The following MGA variants were observed in gnomAD, a reference collection of about 807,000 sequenced individuals.
MGA encodes the protein MAX gene-associated protein.
Under a neutral mutation model 261.1 loss-of-function variants are expected in MGA, and 40 were observed. The ratio of observed to expected loss-of-function variants is 0.15; its 90% CI spans 0.12 to 0.20. MGA has a LOEUF of 0.20. Among genes scored for constraint, MGA ranks in the 10% least tolerant of loss-of-function variants. MGA has a pLI of 1.00. For synonymous variants in MGA, 1,302 were observed against 1,290.6 expected, an observed-to-expected ratio of 1.01 and a Z score of -0.19; for missense variants, 3,397 against 3,630.5, an observed-to-expected ratio of 0.94 and a Z score of 1.65.
chr15:41,761,869 C>A lies in MGA; in HGVS notation c.7510+19C>A, dbSNP rs751131370. ...CTTTCAGGTGAGATAAGTAAATAAT[C>A]TCTGGTAAAGAGCATAATTATAGCT... On this transcript the variant is annotated intron_variant, in intron 21 of 23. Coordinates refer to ENST00000219905, the MANE Select transcript of MGA (RefSeq NM_001164273.2). 2 of 1,472,354 alleles carry A rather than the reference C, an allele frequency of 1.4e-6. No homozygotes were observed. Among genetic ancestry groups the A allele is most frequent in the African/African-American group, 1.4e-5 (1 of 71,400 alleles). The allele number at this position is 1,472,354 out of a possible 1,614,324, so 91.2% of individuals were successfully genotyped here. A position where few individuals can be genotyped will look rare whatever the true frequency, so the allele number is the denominator to read the frequency against.
At chr15:41,629,472 T>C (rs2056540007) in intron 1 of MGA, among the ~76,000 whole-genome samples, 1 of 152,034 alleles carries the variant, frequency 6.6e-6, no homozygotes, top group African/African-American at 2.4e-5. Context: ...AGATCAGGGT[T>C]GCGAATATAC....
At chr15:41,622,036 A>AGGGGGGGGG (rs2056308129) in intron 1 of MGA, among the ~76,000 whole-genome samples, 1 of 10,600 alleles carries the variant, frequency 9.4e-5, no homozygotes, top group Non-Finnish European at 1.7e-4. Flanking sequence ...GGCGCGGGGT[A>AGGGGGGGGG]GGGGGAGGGT....
intron 2 of MGA, among the ~76,000 whole-genome samples, chr15:41,687,915 A>G (rs1357939630): frequency 6.6e-6 from 1 of 152,058 alleles, no homozygotes; most frequent in Non-Finnish European, 1.5e-5. Flanking sequence ...AAAATCTCCC[A>G]CCGTATTTGT....
chr15:41,705,867 G>A (rs1243520668), intron 5 of MGA, among the ~76,000 whole-genome samples: 1 of 152,134 alleles, frequency 6.6e-6, no homozygotes, highest in Non-Finnish European at 1.5e-5. Context: ...TATATTTCCC[G>A]TAGTTGATTG....
chr15:41,690,269 T>C (rs142176302), intron 2 of MGA, among the ~76,000 whole-genome samples: 1 of 152,380 alleles, frequency 6.6e-6, no homozygotes, highest in East Asian at 1.9e-4. Flanking sequence ...CATGTATCTG[T>C]ACTTCGTTTC....
chr15:41,746,787 T>G (rs1420091993), intron 15 of MGA, among the ~76,000 whole-genome samples: 2 of 152,078 alleles, frequency 1.3e-5, no homozygotes, highest in Non-Finnish European at 2.9e-5. Flanking sequence ...TTGTTTTGTT[T>G]CATTTGTTTG....
intron 1 of MGA, among the ~76,000 whole-genome samples, chr15:41,634,160 T>C (rs2056652384): frequency 6.6e-6 from 1 of 152,190 alleles, no homozygotes; most frequent in African/African-American, 2.4e-5. Context: ...CCATATTACA[T>C]CATGTATTTA....
intron 2 of MGA, among the ~76,000 whole-genome samples, chr15:41,676,992 AC>A (rs983849277): frequency 1.3e-5 from 2 of 152,180 alleles, no homozygotes; most frequent in African/African-American, 2.4e-5. Flanking sequence ...AATATGACTT[AC>A]GGGGATTATG....
intron 9 of MGA, among the ~76,000 whole-genome samples, chr15:41,715,791 G>T (rs1171156114): frequency 6.6e-6 from 1 of 152,010 alleles, no homozygotes; most frequent in Non-Finnish European, 1.5e-5. Flanking sequence ...AATGATCTTT[G>T]TGTAAATAAG....
chr15:41,667,381 G>C (rs952972558), intron 1 of MGA, among the ~76,000 whole-genome samples: 1 of 152,132 alleles, frequency 6.6e-6, no homozygotes, highest in South Asian at 2.1e-4. Flanking sequence ...GAGTACCTGG[G>C]ATTATGGGCG....
chr15:41,705,166 G>A (rs1375571833), intron 5 of MGA, among the ~76,000 whole-genome samples: 21 of 152,158 alleles, frequency 1.4e-4, no homozygotes, highest in Non-Finnish European at 2.9e-4. Flanking sequence ...TCAGTTGTCT[G>A]TTACTTGGGG....
intron 9 of MGA, among the ~76,000 whole-genome samples, chr15:41,716,976 T>C (rs1213811985): frequency 2.0e-5 from 3 of 152,204 alleles, no homozygotes; most frequent in East Asian, 1.9e-4. Flanking sequence ...GACACTGTTA[T>C]GCATAGCTCT....
chr15:41,692,229 A>G (rs1016147641), intron 2 of MGA, among the ~76,000 whole-genome samples: 13 of 152,130 alleles, frequency 8.5e-5, no homozygotes, highest in African/African-American at 2.9e-4. Context: ...TTGGTCTCCT[A>G]TCCCTGGCAG....
chr15:41,693,978 A>T (rs1434894368), intron 2 of MGA, among the ~76,000 whole-genome samples: 1 of 152,122 alleles, frequency 6.6e-6, no homozygotes, highest in Non-Finnish European at 1.5e-5. Flanking sequence ...TCTGCAAGAA[A>T]TCTAAGAAAA....
At chr15:41,689,932 A>G (rs549211523) in intron 2 of MGA, among the ~76,000 whole-genome samples, 1 of 152,344 alleles carries the variant, frequency 6.6e-6, no homozygotes, top group Non-Finnish European at 1.5e-5. Context: ...CACATACAAT[A>G]AAATCTACAT....
At chr15:41,630,348 T>C (rs1189527052) in intron 1 of MGA, among the ~76,000 whole-genome samples, 1 of 152,202 alleles carries the variant, frequency 6.6e-6, no homozygotes, top group Non-Finnish European at 1.5e-5. Flanking sequence ...TATAGCAAAA[T>C]ACAAAATCAG....
chr15:41,630,255 T>C (rs1461579945), intron 1 of MGA, among the ~76,000 whole-genome samples: 1 of 152,200 alleles, frequency 6.6e-6, no homozygotes, highest in African/African-American at 2.4e-5. Context: ...AAATTTGCTA[T>C]GTAATTTTCC....
intron 9 of MGA, among the ~76,000 whole-genome samples, chr15:41,715,232 C>G (rs1018964924): frequency 6.6e-6 from 1 of 151,470 alleles, no homozygotes; most frequent in African/African-American, 2.4e-5. Context: ...TCACTGCAAC[C>G]TCCACCTCTT....
At chr15:41,625,165 T>C (rs1194280477) in intron 1 of MGA, among the ~76,000 whole-genome samples, 1 of 152,132 alleles carries the variant, frequency 6.6e-6, no homozygotes, top group Non-Finnish European at 1.5e-5. Flanking sequence ...GGAGCTGTTC[T>C]ACTAAGCATG....
Sources: gnomAD v4.1 joint callset for allele counts (sites outside exome capture counted in the v4.1 genomes callset) on GRCh38, gnomAD v4.1.1 for gene constraint, MANE v1.5 for transcripts, NCBI Gene and HGNC (gene_info 2026-07-23, HGNC 2026-07-21) for gene names.